WWC2: variants seen among roughly 807,000 people sequenced by gnomAD.
WWC2 encodes WW and C2 domain containing 2, also known as protein WWC2.
A neutral mutation model predicts 138.5 loss-of-function variants in WWC2; 101 were observed. That is an observed-to-expected ratio of 0.73 (90% CI 0.62 to 0.86). The LOEUF (loss-of-function observed/expected upper bound fraction) is 0.86, where lower values mean the gene tolerates loss of function less well. WWC2 is among the 40% of genes least tolerant of loss of function. The probability of loss-of-function intolerance (pLI) is 0.00; values close to 1 mark genes in which losing one functional copy is unlikely to be tolerated. For synonymous variants in WWC2, 558 were observed against 538.4 expected (o/e 1.04, Z -0.50); for missense variants, 1,420 against 1,419.4 (o/e 1.00, Z -0.01).
Position 183,315,828 on chromosome 4 carries a change from G to T in WWC2, c.*99G>T, listed in dbSNP as rs185876424. The T allele has an allele frequency of 1.2e-4, 110 of 904,492 alleles. 1 individual carries two copies. In the African/African-American group the frequency reaches 1.5e-3, roughly 12 times the overall value. The allele number at this position is 904,492 out of a possible 1,614,324, so 56.0% of individuals were successfully genotyped here. Reference sequence around the variant, plus strand: ...TTTGTTTTGGTGTTTGGTTTTTTTTGGTAACGTAACTGTCAACTCTTGAAG... The same window carrying T: ...TTTGTTTTGGTGTTTGGTTTTTTTTTGTAACGTAACTGTCAACTCTTGAAG... On this transcript the variant is annotated 3_prime_UTR_variant, in exon 23 of 23. Transcript: ENST00000403733.
chr4:183,220,560 C>T (rs371634946), intron 4 of WWC2, among the ~76,000 whole-genome samples: 106 of 150,562 alleles, frequency 7.0e-4, no homozygotes, highest in African/African-American at 1.8e-3. Context: ...AATGGCCGGG[C>T]GCGGTGGCTC....
chr4:183,202,366 C>T (rs1486631263), intron 2 of WWC2, among the ~76,000 whole-genome samples: 1 of 152,054 alleles, frequency 6.6e-6, no homozygotes, highest in African/African-American at 2.4e-5. Flanking sequence ...TCTTCCCAGA[C>T]AGCAAGGCCC....
At chr4:183,132,578 C>T (rs987761820) in intron 1 of WWC2, among the ~76,000 whole-genome samples, 60 of 151,864 alleles carry the variant, frequency 4.0e-4, no homozygotes, top group Admixed American at 1.2e-3. Flanking sequence ...CTCAGCCTCC[C>T]GAGTAGCTGG....
intron 1 of WWC2, among the ~76,000 whole-genome samples, chr4:183,165,581 A>G (rs1258912059): frequency 2.0e-5 from 3 of 152,172 alleles, no homozygotes; most frequent in African/African-American, 4.8e-5. Flanking sequence ...AGGAAATCTC[A>G]GCAGAATGCT....
At chr4:183,294,400 T>G (rs1258590353) in intron 21 of WWC2, among the ~76,000 whole-genome samples, 1 of 152,196 alleles carries the variant, frequency 6.6e-6, no homozygotes, top group African/African-American at 2.4e-5. Flanking sequence ...ATTAAACTGC[T>G]AAAATAGTGG....
At chr4:183,114,222 G>C (rs1442530324) in intron 1 of WWC2, among the ~76,000 whole-genome samples, 1 of 152,114 alleles carries the variant, frequency 6.6e-6, no homozygotes, top group Admixed American at 6.5e-5. Context: ...CTGGCCATAT[G>C]ATGTGCCTGC....
At chr4:183,136,379 T>A (rs1733115329) in intron 1 of WWC2, among the ~76,000 whole-genome samples, 1 of 152,244 alleles carries the variant, frequency 6.6e-6, no homozygotes, top group Non-Finnish European at 1.5e-5. Context: ...TCTAATCTGC[T>A]GTGAAACTTC....
chr4:183,212,336 G>A (rs1396054011), intron 4 of WWC2, among the ~76,000 whole-genome samples: 1 of 152,064 alleles, frequency 6.6e-6, no homozygotes, highest in Non-Finnish European at 1.5e-5. Context: ...TACCACTCCA[G>A]GGTGTCCTGG....
chr4:183,259,523 A>G (rs1435212144), intron 9 of WWC2, 116 bp from the exon 10 acceptor site: 10 of 773,048 alleles, frequency 1.3e-5, no homozygotes, highest in Non-Finnish European at 2.0e-5. Context: ...CTGTCTGTGG[A>G]GCCCATTCAC....
intron 1 of WWC2, among the ~76,000 whole-genome samples, chr4:183,158,229 A>G (rs755345652): frequency 2.2e-4 from 33 of 152,136 alleles, no homozygotes; most frequent in African/African-American, 7.0e-4. Flanking sequence ...TCATTGTGCT[A>G]TGCAAAATTG....
At chr4:183,206,061 A>C (rs1413115554) in intron 2 of WWC2, among the ~76,000 whole-genome samples, 3 of 152,058 alleles carry the variant, frequency 2.0e-5, no homozygotes, top group African/African-American at 7.2e-5. Flanking sequence ...GCAATTCAGC[A>C]GTGCCTCCTT....
rs1737336582 is a variant in WWC2 at position 183,261,670 on chromosome 4, GA to G, written c.1909+140del. 22 of 1,040,314 alleles carry G rather than the reference GA, an allele frequency of 2.1e-5. No homozygotes were observed. The South Asian group carries it at 3.9e-4, about 18-fold the overall frequency. The allele number at this position is 1,040,314 out of a possible 1,614,324, so 64.4% of individuals were successfully genotyped here. A position where few individuals can be genotyped will look rare whatever the true frequency, so the allele number is the denominator to read the frequency against. On this transcript the variant is annotated intron_variant, in intron 11 of 22. Coordinates refer to ENST00000403733, the MANE Select transcript of WWC2 (RefSeq NM_024949.6). ...GAGTAATCGTTTTGGCTTCATTTAA[GA>G]AGGAGCTTTTATTTATATACCTAGA... is the stretch of plus-strand genomic sequence containing the variant.
chr4:183,128,326 G>A (rs1732820923), intron 1 of WWC2, among the ~76,000 whole-genome samples: 2 of 151,638 alleles, frequency 1.3e-5, no homozygotes, highest in Admixed American at 6.6e-5. Flanking sequence ...GCGACAGAGC[G>A]AGACTGTCTC....
chr4:183,223,540 A>G (rs1249530757), intron 4 of WWC2, among the ~76,000 whole-genome samples: 2 of 152,224 alleles, frequency 1.3e-5, no homozygotes, highest in African/African-American at 4.8e-5. Flanking sequence ...AGTAACTACA[A>G]TGCCATTATT....
At chr4:183,287,081 T>C (rs2111070655) in intron 20 of WWC2, among the ~76,000 whole-genome samples, 1 of 152,198 alleles carries the variant, frequency 6.6e-6, no homozygotes, top group Admixed American at 6.5e-5. Flanking sequence ...TCAGGCATGA[T>C]GGCTGGGAAG....
At chr4:183,280,245 T>TG in intron 16 of WWC2, among the ~76,000 whole-genome samples, 1 of 148,342 alleles carries the variant, frequency 6.7e-6, no homozygotes, top group Non-Finnish European at 1.5e-5. Flanking sequence ...TTTTTTTTTT[T>TG]TTTTTTTTTG....
chr4:183,247,797 G>GTA (rs1240906769), intron 6 of WWC2, among the ~76,000 whole-genome samples: 21 of 130,846 alleles, frequency 1.6e-4, no homozygotes, highest in Non-Finnish European at 1.1e-4. Context: ...TATATATATA[G>GTA]TATATAGTAT....
chr4:183,110,191 C>T (rs1448656590), intron 1 of WWC2, among the ~76,000 whole-genome samples: 2 of 152,146 alleles, frequency 1.3e-5, no homozygotes, highest in Non-Finnish European at 2.9e-5. Flanking sequence ...AAGAGTTGTA[C>T]ATAGGACATG....
At chr4:183,273,981 C>G (rs759888530) in intron 16 of WWC2, among the ~76,000 whole-genome samples, 7 of 152,142 alleles carry the variant, frequency 4.6e-5, no homozygotes, top group African/African-American at 4.8e-5. Flanking sequence ...CCATTTATTG[C>G]AAAAACTGTT....
Sources: allele counts gnomAD v4.1 joint callset (sites outside exome capture counted in the v4.1 genomes callset), GRCh38; gene constraint gnomAD v4.1.1; transcripts MANE v1.5; gene names NCBI Gene and HGNC (gene_info 2026-07-23, HGNC 2026-07-21).